The following STK39 variants were observed in gnomAD, a reference collection of about 807,000 sequenced individuals.
STK39 encodes the protein STE20/SPS1-related proline-alanine-rich protein kinase.
STK39 carries 20 observed loss-of-function variants against 77.8 expected under a neutral mutation model. That is an observed-to-expected ratio of 0.26 (90% CI 0.18 to 0.37). The LOEUF is 0.37. STK39 is among the 10% of genes least tolerant of loss of function. STK39 has a pLI of 1.00. For synonymous variants in STK39, 246 were observed against 234.1 expected (o/e 1.05, Z -0.47); for missense variants, 479 against 656.5 (o/e 0.73, Z 2.95).
chr2:168,112,033 C>T (rs1252409588), intron 10 of STK39, among the ~76,000 whole-genome samples: 4 of 152,036 alleles, frequency 2.6e-5, no homozygotes, highest in Non-Finnish European at 5.9e-5. Flanking sequence ...AGAGCGAGGA[C>T]CAATTAGGAT....
intron 8 of STK39, among the ~76,000 whole-genome samples, chr2:168,134,512 C>CAAAA (rs34222654): frequency 1.6e-5 from 2 of 128,424 alleles, no homozygotes. Flanking sequence ...CCCCTTGTTG[C>CAAAA]AAAAAAAAAA....
intron 10 of STK39, among the ~76,000 whole-genome samples, chr2:168,122,840 T>A (rs1266285031): frequency 6.6e-6 from 1 of 152,190 alleles, no homozygotes; most frequent in Non-Finnish European, 1.5e-5. Flanking sequence ...TATAAATGTT[T>A]CCTTGAAAAA....
chr2:167,956,630 C>A (rs919842256), intron 17 of STK39, among the ~76,000 whole-genome samples: 1 of 146,092 alleles, frequency 6.8e-6, no homozygotes, highest in African/African-American at 2.5e-5. Context: ...TAAGTTATTT[C>A]GTTTTTCTTG....
At chr2:168,167,242 G>C in intron 3 of STK39, 57 bp downstream of exon 3, 6 of 1,434,308 alleles carry the variant, frequency 4.2e-6, no homozygotes, top group Non-Finnish European at 5.9e-6. Flanking sequence ...CAATATGCTG[G>C]TTCCAACAAA....
chr2:168,140,413 A>G lies in STK39; in HGVS notation c.739-23T>C, dbSNP rs780219078. On this transcript the variant is annotated intron_variant, in intron 6 of 17. Transcript: ENST00000355999. ...CACCTAAGAAAGAAAGCAGGAAAAA[A>G]ACACAATCATACAGCAGGCATGTTA... 2.5e-6 allele frequency: 4 copies of G among 1,595,388 alleles called. No homozygotes were observed. In the South Asian group the frequency reaches 4.4e-5, roughly 18 times the overall value.
intron 5 of STK39, among the ~76,000 whole-genome samples, chr2:168,153,506 G>A (rs1009404508): frequency 1.3e-5 from 2 of 152,140 alleles, no homozygotes; most frequent in African/African-American, 4.8e-5. Context: ...GAGAACACAA[G>A]AGTTTGCATT....
At chr2:168,043,875 G>A (rs1685171112) in intron 14 of STK39, among the ~76,000 whole-genome samples, 1 of 151,894 alleles carries the variant, frequency 6.6e-6, no homozygotes, top group Non-Finnish European at 1.5e-5. Flanking sequence ...ATCCAGTATA[G>A]AAATTCCCTA....
intron 16 of STK39, among the ~76,000 whole-genome samples, chr2:168,001,239 C>T (rs1683991366): frequency 7.2e-6 from 1 of 139,664 alleles, no homozygotes; most frequent in African/African-American, 2.7e-5. Flanking sequence ...CAAATATGTG[C>T]AACTATGATG....
At chr2:167,986,860 C>T (rs781729405) in intron 16 of STK39, among the ~76,000 whole-genome samples, 8 of 151,968 alleles carry the variant, frequency 5.3e-5, no homozygotes, top group Admixed American at 2.0e-4. Flanking sequence ...AGGCTGAGTA[C>T]GAAGACGAGT....
chr2:168,140,590 T>C (rs1186380783), intron 6 of STK39, 59 bp downstream of exon 6: 11 of 1,375,088 alleles, frequency 8.0e-6, no homozygotes, highest in Admixed American at 7.7e-5. Context: ...TGTTAGCATA[T>C]TAATGATCTG....
Position 168,025,471 on chromosome 2 carries a change from G to C in STK39, c.1377-8376C>G, listed in dbSNP as rs536831067. Among the ~76,000 whole-genome samples the C allele has an allele frequency of 2.0e-5, 3 of 152,260 alleles. No individual in the cohort carries two copies. The South Asian group carries it at 6.2e-4, about 32-fold the overall frequency. On this transcript the variant is annotated intron_variant, in intron 14 of 17. Transcript: ENST00000355999. Reference sequence around the variant, plus strand: ...GTTTCTCTCAAACTTCACTGCTACTGACCAAGGTCAGGCCACCATCGTCTA... The same window carrying C: ...GTTTCTCTCAAACTTCACTGCTACTCACCAAGGTCAGGCCACCATCGTCTA...
intron 16 of STK39, among the ~76,000 whole-genome samples, chr2:168,008,288 G>C (rs866118478): frequency 6.6e-6 from 1 of 152,346 alleles, no homozygotes; most frequent in South Asian, 2.1e-4. Flanking sequence ...CTTGAAACGT[G>C]ATGGGATGTG....
chr2:168,027,983 G>A (rs751986286), intron 14 of STK39, among the ~76,000 whole-genome samples: 2 of 152,056 alleles, frequency 1.3e-5, no homozygotes, highest in Non-Finnish European at 2.9e-5. Context: ...CCCTAGCTAC[G>A]AAAAAGAGTT....
intron 10 of STK39, among the ~76,000 whole-genome samples, chr2:168,094,678 A>C (rs1686614266): frequency 6.6e-6 from 1 of 152,004 alleles, no homozygotes; most frequent in Non-Finnish European, 1.5e-5. Context: ...AGTTCTCTGC[A>C]TCCTCCACTT....
In STK39 at chr2:168,167,395, C is replaced by T; in HGVS notation, c.334G>A (p.Ala112Thr). Residue 112 changes from alanine to threonine, a missense_variant, in exon 3 of 18, where the codon GCC becomes ACC. Transcript: ENST00000355999. ...TTGGGATGGCTGCACTGACTCATGG[C>T]TTGAATTTCTTTCTATAAAAAGAGC... The part of the protein sequence containing the change: ...SMDELLKEIQ[A>T]MSQCSHPNVV... 1 of 1,613,384 alleles carries T rather than the reference C, an allele frequency of 6.2e-7. No individual in the cohort carries two copies. Among genetic ancestry groups the T allele is most frequent in the Non-Finnish European group, 8.5e-7 (1 of 1,179,538 alleles).
At chr2:168,202,220 T>C (rs188287340) in intron 1 of STK39, among the ~76,000 whole-genome samples, 2 of 152,320 alleles carry the variant, frequency 1.3e-5, no homozygotes, top group East Asian at 1.9e-4. Flanking sequence ...GACATACAAG[T>C]ATAACAAGCT....
At chr2:168,169,690 T>C (rs551133948) in intron 2 of STK39, among the ~76,000 whole-genome samples, 30 of 149,170 alleles carry the variant, frequency 2.0e-4, no homozygotes, top group African/African-American at 7.1e-4. Context: ...GTAGAACCTA[T>C]AGATATAACT....
chr2:168,134,570 T>A (rs1687784337), intron 8 of STK39, among the ~76,000 whole-genome samples: 1 of 151,798 alleles, frequency 6.6e-6, no homozygotes, highest in African/African-American at 2.4e-5. Context: ...AAGCATGTAG[T>A]CTACAAGATT....
At position 168,057,303 on chromosome 2, in the gene STK39, G is replaced by A. The variant is rs567643822; in HGVS notation, c.1376+6197C>T. ...CACCTCCCGTGTTCTAGCAATTCTCGTGCCTCAGCCTCCTGAGTAGCTGGG... is the reference window on the plus strand; with the variant it reads ...CACCTCCCGTGTTCTAGCAATTCTCATGCCTCAGCCTCCTGAGTAGCTGGG... On this transcript the variant is annotated intron_variant, in intron 14 of 17. Transcript: ENST00000355999. Among the ~76,000 whole-genome samples, 45 of 152,072 alleles carry A rather than the reference G, an allele frequency of 3.0e-4. No homozygotes were observed. In the South Asian group the frequency reaches 6.0e-3, roughly 20 times the overall value.
Sources: allele counts gnomAD v4.1 joint callset (sites outside exome capture counted in the v4.1 genomes callset), GRCh38; gene constraint gnomAD v4.1.1; transcripts MANE v1.5; gene names NCBI Gene and HGNC (gene_info 2026-07-23, HGNC 2026-07-21).